The following CROCC2 variants were observed in gnomAD, a reference collection of about 807,000 sequenced individuals.
CROCC2 encodes ciliary rootlet coiled-coil protein 2.
CROCC2 carries 163 observed loss-of-function variants against 177.6 expected under a neutral mutation model. That is an observed-to-expected ratio of 0.92 (90% CI 0.81 to 1.05). CROCC2 has a LOEUF of 1.05. CROCC2 is among the 50% of genes least tolerant of loss of function. CROCC2 has a pLI of 0.00. For missense variants in CROCC2, 1,929 were observed against 1,797.8 expected (o/e 1.07, Z -1.32); for synonymous variants, 904 against 787.3 (o/e 1.15, Z -2.48).
intron 1 of CROCC2, among the ~76,000 whole-genome samples, chr2:240,915,930 C>A (rs369542766): frequency 1.8e-4 from 28 of 152,304 alleles, no homozygotes; most frequent in African/African-American, 6.7e-4. Context: ...CCTCCCACTG[C>A]GAGGCCTTCT....
At chr2:240,907,625 CA>C (rs2059264575) in intron 1 of CROCC2, among the ~76,000 whole-genome samples, 2 of 152,178 alleles carry the variant, frequency 1.3e-5, no homozygotes, top group Admixed American at 6.5e-5. Context: ...TGCTCACACA[CA>C]GGGCTGCATG....
At chr2:240,915,730 C>T (rs1229883052) in intron 1 of CROCC2, among the ~76,000 whole-genome samples, 1 of 152,154 alleles carries the variant, frequency 6.6e-6, no homozygotes, top group Non-Finnish European at 1.5e-5. Flanking sequence ...GGCCACCCCC[C>T]TCAGGGCCAG....
chr2:240,985,836 G>A (rs1057002581), intron 28 of CROCC2: 10 of 406,598 alleles, frequency 2.5e-5, no homozygotes, highest in African/African-American at 1.9e-4. Context: ...ACACACCCAG[G>A]CACTCACACT....
At chr2:240,967,718 C>T (rs2059692604) in intron 26 of CROCC2, 1 of 401,512 alleles carries the variant, frequency 2.5e-6, no homozygotes, top group Admixed American at 6.4e-5. Context: ...GATCCGGCCC[C>T]CAGCATCCTC....
rs1336348177 is a variant in CROCC2 at position 240,978,345 on chromosome 2, T to C, written c.4402-4535T>C. 1.4e-4 allele frequency among the ~76,000 whole-genome samples: 6 copies of C among 43,070 alleles called. 2 individuals are homozygous for C. The highest frequency in any genetic ancestry group is 2.2e-3 in the South Asian group (2 of 904). The allele number at this position is 43,070 out of a possible 152,430, so 28.3% of individuals were successfully genotyped here. A position where few individuals can be genotyped will look rare whatever the true frequency, so the allele number is the denominator to read the frequency against. ...TAGGAGCCTCTGGAGCCCAGGCTCA[T>C]CCCTGCTCAGTCTCTGGGGTAGGAG... On this transcript the variant is annotated intron_variant, in intron 27 of 31. Coordinates refer to ENST00000690015, the MANE Select transcript of CROCC2 (RefSeq NM_001351305.2).
In CROCC2 at chr2:240,949,152, C is replaced by T; in HGVS notation, c.2482+55C>T. On this transcript the variant is annotated intron_variant, in intron 16 of 31. Coordinates refer to ENST00000690015, the MANE Select transcript of CROCC2 (RefSeq NM_001351305.2). This position sits in a 1 kb window ranked among gnomAD's most constrained non-coding sequence, Gnocchi z 4.5. The stretch of plus-strand genomic sequence containing the variant: ...CCCCGAAAGTCAGCCATGGAGGGGC[C>T]CCTGGAATGGAGCTCAGTGCCCACA... 6.8e-7 allele frequency: 1 copy of T among 1,475,640 alleles called. No individual in the cohort carries two copies. The highest frequency in any genetic ancestry group is 9.0e-7 in the Non-Finnish European group (1 of 1,115,706). 91.4% of individuals were successfully genotyped at this position (1,475,640 alleles called of 1,614,324 possible). A position where few individuals can be genotyped will look rare whatever the true frequency, so the allele number is the denominator to read the frequency against.
intron 30 of CROCC2, among the ~76,000 whole-genome samples, chr2:240,990,932 C>A (rs986520187): frequency 6.6e-6 from 1 of 152,238 alleles, no homozygotes; most frequent in Admixed American, 6.5e-5. Flanking sequence ...GCCCATCCAC[C>A]AAGGGTGCGC....
Position 240,934,936 on chromosome 2 carries a change from C to T in CROCC2, c.1812C>T (p.Asp604=), listed in dbSNP as rs779930289. 1.3e-6 allele frequency: 2 copies of T among 1,521,238 alleles called. 1 individual carries two copies. The highest frequency in any genetic ancestry group is 2.5e-5 in the South Asian group (2 of 80,542). 94.2% of individuals were successfully genotyped at this position (1,521,238 alleles called of 1,614,324 possible). A position where few individuals can be genotyped will look rare whatever the true frequency, so the allele number is the denominator to read the frequency against. Residue 604 remains aspartate (D), a synonymous_variant, in exon 13 of 32, where the codon GAC becomes GAT. Transcript: ENST00000690015. ...ALARAECSNA[D]LELLVRRLKS... ...CCCAGGCCGAGTGCAGCAATGCGGA[C>T]CTGGAGCTTCTTGTGAGGCGGCTGA...
At chr2:240,919,117 C>G (rs34192880) in intron 2 of CROCC2, among the ~76,000 whole-genome samples, 8 of 120,388 alleles carry the variant, frequency 6.6e-5, no homozygotes, top group Admixed American at 1.8e-4. Flanking sequence ...CCTGGGCCCG[C>G]GGCTGGCCAA....
intron 2 of CROCC2, among the ~76,000 whole-genome samples, 180 bp from the exon 3 acceptor site, chr2:240,919,803 A>G (rs981459019): frequency 6.6e-6 from 1 of 152,152 alleles, no homozygotes; most frequent in African/African-American, 2.4e-5. Flanking sequence ...CAGAGTATGA[A>G]GTCTGCCTCC....
At chr2:240,975,550 G>C (rs1024931512) in intron 27 of CROCC2, among the ~76,000 whole-genome samples, 10 of 152,226 alleles carry the variant, frequency 6.6e-5, no homozygotes, top group African/African-American at 2.4e-4. Context: ...GAGTGTTTAT[G>C]ACGTGTCCTG....
At chr2:240,919,013 G>T (rs1280659121) in intron 2 of CROCC2, 137 bp downstream of exon 2, 1 of 612,644 alleles carries the variant, frequency 1.6e-6, no homozygotes, top group Non-Finnish European at 2.9e-6. Flanking sequence ...GTGATGGCGT[G>T]GGGGACAGTC....
Position 240,931,118 on chromosome 2 carries a change from C to T in CROCC2, c.937C>T (p.Leu313Phe). 1.4e-6 allele frequency: 1 copy of T among 712,874 alleles called. No homozygotes were observed. 44.2% of individuals were successfully genotyped at this position (712,874 alleles called of 1,614,324 possible). ...QGRWDAEKVA[L>F]QARLSEQTLL... ...CCGCTGGGACGCAGAGAAGGTGGCG[C>T]TCCAGGCCAGGTGGGCGCCCAGGGC... The change falls in exon 7 of 32, where the codon CTC (leucine) becomes TTC (phenylalanine). Residue 313 changes from leucine to phenylalanine, a missense_variant. Physicochemically the swap from Leu to Phe is conservative, Grantham distance 22. Transcript: ENST00000690015.
At chr2:240,909,974 G>A (rs564207152) in intron 1 of CROCC2, among the ~76,000 whole-genome samples, 4 of 152,212 alleles carry the variant, frequency 2.6e-5, no homozygotes, top group East Asian at 1.9e-4. Context: ...GGCTCTGGAC[G>A]GATGGCGAAC....
intron 1 of CROCC2, among the ~76,000 whole-genome samples, chr2:240,911,468 T>C (rs1444763111): frequency 6.6e-6 from 1 of 152,098 alleles, no homozygotes; most frequent in Non-Finnish European, 1.5e-5. Context: ...CAGTTATTTT[T>C]TGTATTTTCA....
rs4675788 is a variant in CROCC2 at position 240,973,982 on chromosome 2, C to T, written c.4401+5720C>T. ...TTCCAATCTCTTTTCTGTCAAGGGTCTGCTTTCGTTTTCCATTTCTTCTCG... is the reference window on the plus strand; with the variant it reads ...TTCCAATCTCTTTTCTGTCAAGGGTTTGCTTTCGTTTTCCATTTCTTCTCG... On this transcript the variant is annotated intron_variant, in intron 27 of 31. Coordinates refer to ENST00000690015, the MANE Select transcript of CROCC2 (RefSeq NM_001351305.2). The surrounding 1 kb of genome is among the most constrained non-coding windows in gnomAD (Gnocchi z 4.7). 0.38 allele frequency among the ~76,000 whole-genome samples: 57,044 copies of T among 152,028 alleles called. 10,938 individuals are homozygous for T. Among genetic ancestry groups the T allele is most frequent in the East Asian group, 0.53 (2,719 of 5,176 alleles).
In CROCC2 at chr2:240,906,500, C is replaced by T. The variant is rs2059254422; in HGVS notation, c.-14C>T. On this transcript the variant is annotated 5_prime_UTR_variant, in exon 1 of 32. Coordinates refer to ENST00000690015, the MANE Select transcript of CROCC2 (RefSeq NM_001351305.2). Reference sequence around the variant, plus strand: ...AAGCCCAGACTTCTCTGGGGTCCTGCGCTCTGGGCTGCAATGAGCTCTGCC... The same window carrying T: ...AAGCCCAGACTTCTCTGGGGTCCTGTGCTCTGGGCTGCAATGAGCTCTGCC... The T allele has an allele frequency of 1.5e-5, 6 of 399,058 alleles. 1 individual carries two copies. Among genetic ancestry groups the T allele is most frequent in the South Asian group, 2.5e-4 (2 of 7,858 alleles). The allele number at this position is 399,058 out of a possible 1,614,324, so 24.7% of individuals were successfully genotyped here.
intron 18 of CROCC2, among the ~76,000 whole-genome samples, chr2:240,954,392 C>T (rs148951528): frequency 3.1e-4 from 47 of 152,346 alleles, no homozygotes; most frequent in African/African-American, 1.1e-3. Flanking sequence ...TCCCATGATT[C>T]TCTCAGGTTC....
rs148550213 is a variant in CROCC2, at chr2:240,963,431, G to C, written c.3088-125G>C. 117 of 1,007,476 alleles carry C rather than the reference G, an allele frequency of 1.2e-4. No homozygotes were observed. In the African/African-American group the frequency reaches 1.8e-3, roughly 16 times the overall value. The allele number at this position is 1,007,476 out of a possible 1,614,324, so 62.4% of individuals were successfully genotyped here. On this transcript the variant is annotated intron_variant, in intron 20 of 31. Coordinates refer to ENST00000690015, the MANE Select transcript of CROCC2 (RefSeq NM_001351305.2). ...GGTGGCTCCATGGGGTGAGCAAAGC[G>C]CATGGGGACCAAGTTGGGCAGGGCA...
Sources: gnomAD v4.1 joint callset for allele counts (sites outside exome capture counted in the v4.1 genomes callset) on GRCh38, gnomAD v4.1.1 for gene constraint, Gnocchi (gnomAD v3.1) non-coding constraint, MANE v1.5 for transcripts, NCBI Gene and HGNC (gene_info 2026-07-23, HGNC 2026-07-21) for gene names.